NKAIN3: variants seen among roughly 807,000 people sequenced by gnomAD.
The protein encoded by NKAIN3 is sodium/potassium-transporting ATPase subunit beta-1-interacting protein 3.
Under a neutral mutation model 30.2 loss-of-function variants are expected in NKAIN3, and 25 were observed. That is an observed-to-expected ratio of 0.83 (90% confidence interval 0.60 to 1.16). NKAIN3 has a LOEUF of 1.16. Ranked by LOEUF, NKAIN3 falls within the 50% of genes most tolerant of loss-of-function variation. The pLI is 0.00. For missense variants in NKAIN3, 225 were observed against 254.1 expected, an observed-to-expected ratio of 0.89 and a Z score of 0.78; for synonymous variants, 91 against 89.6, an observed-to-expected ratio of 1.02 and a Z score of -0.09.
intron 4 of NKAIN3, among the ~76,000 whole-genome samples, chr8:62,786,555 C>G (rs557689798): frequency 6.6e-6 from 1 of 152,142 alleles, no homozygotes; most frequent in Middle Eastern, 3.4e-3. Flanking sequence ...GAGGGTCCAT[C>G]ATGGGTGATC....
intron 4 of NKAIN3, among the ~76,000 whole-genome samples, chr8:62,883,199 G>T (rs1167977611): frequency 6.6e-6 from 1 of 152,032 alleles, no homozygotes; most frequent in Non-Finnish European, 1.5e-5. Flanking sequence ...CAAACATGAG[G>T]TGTGTCTTCT....
At chr8:62,414,598 C>G (rs1262502796) in intron 1 of NKAIN3, among the ~76,000 whole-genome samples, 1 of 152,026 alleles carries the variant, frequency 6.6e-6, no homozygotes, top group East Asian at 1.9e-4. Context: ...TAAATTGGAT[C>G]CAATAAAGTA....
At chr8:62,559,261 G>T (rs1246156968) in intron 1 of NKAIN3, among the ~76,000 whole-genome samples, 1 of 151,672 alleles carries the variant, frequency 6.6e-6, no homozygotes, top group Non-Finnish European at 1.5e-5. Flanking sequence ...TTTGATTGAG[G>T]TTTCCATAAT....
chr8:62,743,006 A>G (rs1490800511), intron 3 of NKAIN3, among the ~76,000 whole-genome samples: 1 of 152,096 alleles, frequency 6.6e-6, no homozygotes, highest in Non-Finnish European at 1.5e-5. Flanking sequence ...ACTCACTATC[A>G]CTAGAATAGC....
At chr8:62,748,704 T>A (rs951293570) in intron 4 of NKAIN3, among the ~76,000 whole-genome samples, 30 of 152,188 alleles carry the variant, frequency 2.0e-4, no homozygotes, top group African/African-American at 7.0e-4. Flanking sequence ...AAATCAAAGA[T>A]CTTTTAGAGT....
chr8:62,369,032 T>C (rs181291541), intron 1 of NKAIN3, among the ~76,000 whole-genome samples: 9 of 152,256 alleles, frequency 5.9e-5, no homozygotes, highest in Admixed American at 2.0e-4. Context: ...AAGGTAGCAA[T>C]TGAGCCCTTT....
rs1201535722 is a variant in NKAIN3, at chr8:62,965,881, A to G, written c.*474A>G. The G allele has an allele frequency of 1.0e-6, 1 of 985,176 alleles. No homozygotes were observed. Among genetic ancestry groups the G allele is most frequent in the Non-Finnish European group, 1.2e-6 (1 of 829,814 alleles). 61.0% of individuals were successfully genotyped at this position (985,176 alleles called of 1,614,324 possible). A position where few individuals can be genotyped will look rare whatever the true frequency, so the allele number is the denominator to read the frequency against. ...ACCCTGTGACAGCTGATAAATAGGT[A>G]CAAATAATGGATCCAGCTTTTGGAT... On this transcript the variant is annotated 3_prime_UTR_variant, in exon 7 of 7. Transcript: ENST00000623646.
At position 62,466,627 on chromosome 8, in the gene NKAIN3, G is replaced by A. The variant is rs1585840128; in HGVS notation, c.55-112912G>A. Among the ~76,000 whole-genome samples, 3 of 152,164 alleles carry A rather than the reference G, an allele frequency of 2.0e-5. No individual in the cohort carries two copies. In the East Asian group the frequency reaches 5.8e-4, roughly 29 times the overall value. On this transcript the variant is annotated intron_variant, in intron 1 of 6. Coordinates refer to ENST00000623646, the MANE Select transcript of NKAIN3 (RefSeq NM_001304533.3). Reference sequence around the variant, plus strand: ...TCACTTTTCTTCAATGTGTACTCTGGGTGAGCACACTAAAATCATGTTTTG... The same window carrying A: ...TCACTTTTCTTCAATGTGTACTCTGAGTGAGCACACTAAAATCATGTTTTG...
At chr8:62,658,425 G>A (rs917553505) in intron 3 of NKAIN3, among the ~76,000 whole-genome samples, 2 of 152,170 alleles carry the variant, frequency 1.3e-5, no homozygotes, top group Admixed American at 6.5e-5. Flanking sequence ...AATTAGTTGA[G>A]GCTATCATCG....
downstream of NKAIN3, among the ~76,000 whole-genome samples, chr8:62,987,554 G>A (rs1008182089): frequency 6.6e-6 from 1 of 152,144 alleles, no homozygotes; most frequent in African/African-American, 2.4e-5. Flanking sequence ...AAGAGATCAT[G>A]TCCAGGGGAA....
At chr8:62,418,140 A>G (rs949898331) in intron 1 of NKAIN3, among the ~76,000 whole-genome samples, 7 of 152,036 alleles carry the variant, frequency 4.6e-5, no homozygotes, top group Non-Finnish European at 7.4e-5. Context: ...TGATTCAGGA[A>G]CTCTGTTCCC....
Position 62,803,908 on chromosome 8 carries a change from G to A in NKAIN3, c.471+56779G>A, listed in dbSNP as rs374861208. 1.6e-3 allele frequency among the ~76,000 whole-genome samples: 236 copies of A among 151,988 alleles called. 1 individual carries two copies. Among genetic ancestry groups the A allele is most frequent in the African/African-American group, 3.7e-3 (155 of 41,468 alleles). On this transcript the variant is annotated intron_variant, in intron 4 of 6. Transcript: ENST00000623646. ...GAAAAGAAAGAAGAATCAAATAGACGCAATAAAAAATGATAAAGGGGATAT... is the reference window on the plus strand; with the variant it reads ...GAAAAGAAAGAAGAATCAAATAGACACAATAAAAAATGATAAAGGGGATAT...
intron 1 of NKAIN3, among the ~76,000 whole-genome samples, chr8:62,502,834 C>A (rs1047991631): frequency 6.6e-6 from 1 of 152,200 alleles, no homozygotes; most frequent in Non-Finnish European, 1.5e-5. Context: ...GGAAGTAACA[C>A]AAGAGCATGG....
intron 1 of NKAIN3, among the ~76,000 whole-genome samples, chr8:62,363,368 G>A (rs1816623957): frequency 6.6e-6 from 1 of 152,120 alleles, no homozygotes; most frequent in Non-Finnish European, 1.5e-5. Flanking sequence ...GTTATTCTCA[G>A]CTCAGATTTC....
At chr8:62,528,063 A>T (rs1808364514) in intron 1 of NKAIN3, among the ~76,000 whole-genome samples, 1 of 151,414 alleles carries the variant, frequency 6.6e-6, no homozygotes, top group Non-Finnish European at 1.5e-5. Context: ...AGAATGCTAA[A>T]GAGAAGATAA....
At chr8:62,595,205 A>T (rs886476838) in intron 3 of NKAIN3, among the ~76,000 whole-genome samples, 1 of 151,916 alleles carries the variant, frequency 6.6e-6, no homozygotes, top group Non-Finnish European at 1.5e-5. Context: ...TATTACATCA[A>T]TCATGAATAG....
At chr8:62,834,416 C>T (rs1180445875) in intron 4 of NKAIN3, among the ~76,000 whole-genome samples, 2 of 151,954 alleles carry the variant, frequency 1.3e-5, no homozygotes, top group Non-Finnish European at 1.5e-5. Context: ...TGATTCTATA[C>T]CTAGAAAACT....
intron 1 of NKAIN3, among the ~76,000 whole-genome samples, chr8:62,278,123 A>G (rs1813027135): frequency 6.6e-6 from 1 of 152,110 alleles, no homozygotes; most frequent in Non-Finnish European, 1.5e-5. Flanking sequence ...GCCGCCACAC[A>G]TGCCTGGATT....
At chr8:62,838,544 G>T (rs976597007) in intron 4 of NKAIN3, among the ~76,000 whole-genome samples, 1 of 151,842 alleles carries the variant, frequency 6.6e-6, no homozygotes, top group Non-Finnish European at 1.5e-5. Flanking sequence ...ATGTTATTCT[G>T]CTCCCATGTA....
Sources: allele counts gnomAD v4.1 joint callset (sites outside exome capture counted in the v4.1 genomes callset), GRCh38; gene constraint gnomAD v4.1.1; transcripts MANE v1.5; gene names NCBI Gene and HGNC (gene_info 2026-07-23, HGNC 2026-07-21).